The following EYS variants were observed in gnomAD, a reference collection of about 807,000 sequenced individuals.
The protein encoded by EYS is protein eyes shut homolog.
A neutral mutation model predicts 282.1 loss-of-function variants in EYS; 250 were observed. That is an observed-to-expected ratio of 0.89 (90% CI 0.80 to 0.98). The LOEUF (loss-of-function observed/expected upper bound fraction) is 0.98, where lower values mean the gene tolerates loss of function less well. Ranked by LOEUF, EYS falls within the 50% of genes least tolerant of loss-of-function variation. The pLI, the probability that EYS is intolerant of heterozygous loss-of-function variation, is 0.00. For synonymous variants in EYS, 1,355 were observed against 1,282.9 expected (o/e 1.06, Z -1.20); for missense variants, 4,016 against 3,709.0 (o/e 1.08, Z -2.15).
intron 22 of EYS, among the ~76,000 whole-genome samples, chr6:64,711,549 C>G (rs1300834394): frequency 6.6e-6 from 1 of 152,124 alleles, no homozygotes; most frequent in Non-Finnish European, 1.5e-5. Flanking sequence ...TGGGTTTGGC[C>G]TAGTCTTAGG....
At chr6:65,146,691 T>A (rs1474922977) in intron 12 of EYS, among the ~76,000 whole-genome samples, 13 of 152,006 alleles carry the variant, frequency 8.6e-5, no homozygotes, top group African/African-American at 3.1e-4. Flanking sequence ...CAAATTTGCT[T>A]CAGGCAGACC....
chr6:64,252,206 G>A lies in EYS; in HGVS notation c.6192-21382C>T, dbSNP rs534140735. Reference sequence around the variant, plus strand: ...CTGCAACTCCCTTTAAATGTAATATGGGCCCCTGAGCTCTCACCCTCTGCA... The same window carrying A: ...CTGCAACTCCCTTTAAATGTAATATAGGCCCCTGAGCTCTCACCCTCTGCA... On this transcript the variant is annotated intron_variant, in intron 30 of 42. Coordinates refer to ENST00000503581, the MANE Select transcript of EYS (RefSeq NM_001142800.2). Among the ~76,000 whole-genome samples, 145 of 152,112 alleles carry A rather than the reference G, an allele frequency of 9.5e-4. 1 individual carries two copies. Among genetic ancestry groups the A allele is most frequent in the Non-Finnish European group, 1.4e-3 (97 of 67,964 alleles).
At chr6:63,785,216 T>C (rs1582205072) in intron 39 of EYS, among the ~76,000 whole-genome samples, 1 of 152,316 alleles carries the variant, frequency 6.6e-6, no homozygotes, top group Middle Eastern at 3.4e-3. Flanking sequence ...TTCACTTCAG[T>C]TATTCTGCTT....
At chr6:64,851,896 T>C (rs910599462) in intron 19 of EYS, among the ~76,000 whole-genome samples, 80 of 151,982 alleles carry the variant, frequency 5.3e-4, no homozygotes, top group African/African-American at 1.9e-3. Flanking sequence ...CATGACATAA[T>C]GGTGATCTGT....
intron 36 of EYS, among the ~76,000 whole-genome samples, chr6:63,834,566 A>G (rs1771748465): frequency 6.6e-6 from 1 of 150,464 alleles, no homozygotes; most frequent in South Asian, 2.1e-4. Context: ...GATGCTGGAG[A>G]GGATGTGGAG....
At chr6:65,398,301 G>T (rs1766365272) in intron 7 of EYS, among the ~76,000 whole-genome samples, 1 of 151,898 alleles carries the variant, frequency 6.6e-6, no homozygotes, top group Admixed American at 6.6e-5. Context: ...ATAGATTAAT[G>T]AAACAGAATA....
At chr6:64,777,852 A>C (rs1199313867) in intron 22 of EYS, among the ~76,000 whole-genome samples, 1 of 152,168 alleles carries the variant, frequency 6.6e-6, no homozygotes, top group Non-Finnish European at 1.5e-5. Context: ...GAAGGAATTA[A>C]TAAAAACAAA....
At chr6:63,827,024 T>C (rs1003705133) in intron 36 of EYS, among the ~76,000 whole-genome samples, 1 of 152,218 alleles carries the variant, frequency 6.6e-6, no homozygotes, top group African/African-American at 2.4e-5. Context: ...ATCTGCTGCC[T>C]GCAGGAGACT....
At chr6:64,550,611 G>C in intron 26 of EYS, among the ~76,000 whole-genome samples, 1 of 152,048 alleles carries the variant, frequency 6.6e-6, no homozygotes, top group East Asian at 1.9e-4. Context: ...TTCTGGCTAG[G>C]GCAATCAGGC....
At chr6:64,498,367 A>G (rs1776949524) in intron 26 of EYS, among the ~76,000 whole-genome samples, 1 of 152,148 alleles carries the variant, frequency 6.6e-6, no homozygotes, top group South Asian at 2.1e-4. Context: ...TTCTGCTCTT[A>G]TCTACTGGTA....
rs1167179468 is a variant in EYS, at chr6:65,295,962, T to C, written c.1924A>G (p.Ile642Val). The change falls in exon 12 of 43, where the codon ATA (isoleucine) becomes GTA (valine). Residue 642 changes from isoleucine (I) to valine (V), a missense_variant. Ile to Val is a conservative substitution (Grantham distance 29). Transcript: ENST00000503581. ...LQRYERNICEIDTEDCKSASC... is the reference protein window; with the variant it reads ...LQRYERNICEVDTEDCKSASC... ...GCAGATTTGCAGTCTTCAGTATCTA[T>C]CTCACAGATGTTCCTTTCATATCTT... The C allele has an allele frequency of 1.3e-6, 2 of 1,551,250 alleles. No homozygotes were observed. The highest frequency in any genetic ancestry group is 1.4e-5 in the African/African-American group (1 of 73,126).
At chr6:65,357,074 C>A (rs1334032482) in intron 8 of EYS, among the ~76,000 whole-genome samples, 1 of 152,004 alleles carries the variant, frequency 6.6e-6, no homozygotes, top group Non-Finnish European at 1.5e-5. Flanking sequence ...CGCTGTATTA[C>A]AACTGAGCCA....
Position 65,054,596 on chromosome 6 carries a change from T to C in EYS, c.2137+3018A>G, listed in dbSNP as rs763275969. ...GACATGTTTCCAGCTGAAAGATGTA[T>C]AAGAATATAAACTGAATTAGAATGT... On this transcript the variant is annotated intron_variant, in intron 13 of 42. Transcript: ENST00000503581. Among the ~76,000 whole-genome samples, 52 of 152,016 alleles carry C rather than the reference T, an allele frequency of 3.4e-4. 3 individuals are homozygous for C. Among genetic ancestry groups the C allele is most frequent in the Non-Finnish European group, 1.8e-4 (12 of 67,970 alleles).
At chr6:64,708,621 G>T (rs1583065833) in intron 22 of EYS, among the ~76,000 whole-genome samples, 1 of 151,862 alleles carries the variant, frequency 6.6e-6, no homozygotes, top group African/African-American at 2.4e-5. Flanking sequence ...TAGCTATTTG[G>T]GAAAAAAAAA....
At chr6:65,133,011 G>A (rs1775925341) in intron 12 of EYS, among the ~76,000 whole-genome samples, 3 of 152,018 alleles carry the variant, frequency 2.0e-5, no homozygotes, top group Admixed American at 6.6e-5. Context: ...AATCAGGGAA[G>A]TGAAAGATGT....
In EYS at chr6:65,057,728, C is replaced by A; in HGVS notation, c.2024-1G>T. On this transcript the variant is annotated splice_acceptor_variant, in intron 12 of 42. Transcript: ENST00000503581. LOFTEE classifies it high-confidence loss of function. ...TCTATATCAATTTCACATTGCGTAC[C>A]TTTGGAAAATAGGAAAAAAAAATGT... The A allele has an allele frequency of 1.3e-6, 2 of 1,531,498 alleles. No individual in the cohort carries two copies. Among genetic ancestry groups the A allele is most frequent in the Admixed American group, 2.0e-5 (1 of 50,488 alleles). The allele number at this position is 1,531,498 out of a possible 1,614,324, so 94.9% of individuals were successfully genotyped here. A position where few individuals can be genotyped will look rare whatever the true frequency, so the allele number is the denominator to read the frequency against.
intron 12 of EYS, among the ~76,000 whole-genome samples, chr6:65,199,315 A>C (rs988542637): frequency 2.6e-5 from 4 of 152,154 alleles, no homozygotes; most frequent in Non-Finnish European, 5.9e-5. Context: ...AAACTTCAAA[A>C]CAGGAGGTGA....
At chr6:64,013,708 C>T (rs78676795) in intron 33 of EYS, among the ~76,000 whole-genome samples, 4,786 of 152,066 alleles carry the variant, frequency 0.031, 259 homozygotes, top group African/African-American at 0.11. Context: ...CAGTATGCCA[C>T]TGAGTTTCTT....
rs967888670 is a variant in EYS, at chr6:65,179,727, A to C, written c.2023+116136T>G. ...TTTATGAGGCCAGTATCATCCTGAT[A>C]CCAAAGCCTGGCAGAGACACAACAT... On this transcript the variant is annotated intron_variant, in intron 12 of 42. Transcript: ENST00000503581. Among the ~76,000 whole-genome samples the C allele has an allele frequency of 4.3e-4, 65 of 152,226 alleles. No individual in the cohort carries two copies. In the Middle Eastern group the frequency reaches 0.01, roughly 24 times the overall value.
Sources: gnomAD v4.1 joint callset for allele counts (sites outside exome capture counted in the v4.1 genomes callset) on GRCh38, gnomAD v4.1.1 for gene constraint, MANE v1.5 for transcripts, NCBI Gene and HGNC (gene_info 2026-07-23, HGNC 2026-07-21) for gene names.